HOXA3: variants seen among roughly 807,000 people sequenced by gnomAD.
HOXA3 encodes the protein homeobox protein Hox-A3.
A neutral mutation model predicts 30.3 loss-of-function variants in HOXA3; 8 were observed. That is an observed-to-expected ratio of 0.26 (90% CI 0.15 to 0.48). The LOEUF is 0.48. HOXA3 is among the 20% of genes least tolerant of loss of function. HOXA3 has a pLI of 0.99. For synonymous variants in HOXA3, 323 were observed against 273.1 expected, an observed-to-expected ratio of 1.18 and a Z score of -1.80; for missense variants, 653 against 614.4, an observed-to-expected ratio of 1.06 and a Z score of -0.66.
chr7:27,132,125 C>CCT (rs1476710095), intron 2 of HOXA3, among the ~76,000 whole-genome samples: 1 of 152,146 alleles, frequency 6.6e-6, no homozygotes, highest in East Asian at 1.9e-4. Flanking sequence ...ATATCTAGAT[C>CCT]CTCTACTTTT....
chr7:27,141,702 T>TA, intron 1 of HOXA3: 1 of 1,135,154 alleles, frequency 8.8e-7, no homozygotes, highest in Non-Finnish European at 1.3e-6. Context: ...GGCTCATGAT[T>TA]AAAAGATGAA....
rs746085776 is a variant in HOXA3 at position 27,110,531 on chromosome 7, G to A, written c.110C>T (p.Ala37Val). 1.2e-6 allele frequency: 2 copies of A among 1,607,486 alleles called. No individual in the cohort carries two copies. The highest frequency in any genetic ancestry group is 1.1e-5 in the South Asian group (1 of 90,978). Residue 37 changes from alanine (A) to valine (V), a missense_variant, in exon 5 of 6, where the codon GCC (alanine) becomes GTC (valine). By Grantham distance (64) the Ala-to-Val change is moderately conservative. Around this residue, in one of 3 missense-constraint regions of HOXA3, gnomAD observed 320 missense variants for 321.9 expected, o/e 0.99. Transcript: ENST00000612286. ...GTACTCGCCGTCGGCGCCCAAAGCG[G>A]CGGACGCCGGGTACGGCTGCTGATT... ...NANQQPYPASAALGADGEYHR... is the reference protein window; with the variant it reads ...NANQQPYPASVALGADGEYHR...
chr7:27,129,195 G>T (rs368828818), intron 2 of HOXA3: 3 of 1,248,736 alleles, frequency 2.4e-6, no homozygotes, highest in Non-Finnish European at 3.5e-6. Flanking sequence ...AGCAGGTAAG[G>T]GATAGAAACT....
intron 2 of HOXA3, chr7:27,130,279 G>T: frequency 1.8e-6 from 2 of 1,124,194 alleles, no homozygotes; most frequent in Non-Finnish European, 2.2e-6. Flanking sequence ...CCGCGGGGCC[G>T]CTGGGGGCAC....
chr7:27,132,663 C>T (rs887719166), intron 2 of HOXA3, among the ~76,000 whole-genome samples: 1 of 152,194 alleles, frequency 6.6e-6, no homozygotes, highest in Non-Finnish European at 1.5e-5. Flanking sequence ...AATCTTTAGC[C>T]ATCCTCTCTA....
intron 4 of HOXA3, 83 bp from the exon 5 acceptor site, chr7:27,110,843 A>G: frequency 4.3e-6 from 3 of 694,878 alleles, no homozygotes; most frequent in Non-Finnish European, 6.8e-6. Context: ...TGAAAGCCAT[A>G]AAAGAAAAAG....
At chr7:27,121,989 A>C (rs1785036123) in intron 4 of HOXA3, 1 of 152,992 alleles carries the variant, frequency 6.5e-6, no homozygotes, top group African/African-American at 2.4e-5. Context: ...GCCCTGATGA[A>C]AGAAGGAAGA....
At chr7:27,148,202 A>G (rs1218872439) in intron 1 of HOXA3, among the ~76,000 whole-genome samples, 2 of 152,262 alleles carry the variant, frequency 1.3e-5, no homozygotes, top group Admixed American at 6.5e-5. Context: ...TCCTCCAAAC[A>G]GGAAACCTGA....
At chr7:27,147,826 G>A in intron 1 of HOXA3, 1 of 1,337,020 alleles carries the variant, frequency 7.5e-7, no homozygotes, top group Non-Finnish European at 1.0e-6. Context: ...TCATCGAACT[G>A]GTTTGTTTCT....
chr7:27,145,996 G>C (rs963112248), intron 1 of HOXA3: 27 of 1,518,104 alleles, frequency 1.8e-5, no homozygotes, highest in Admixed American at 1.6e-4. Flanking sequence ...TCCCACAAGA[G>C]GCACCCAGAC....
intron 2 of HOXA3, among the ~76,000 whole-genome samples, chr7:27,134,702 T>C (rs1340888707): frequency 6.6e-6 from 1 of 152,240 alleles, no homozygotes; most frequent in African/African-American, 2.4e-5. Flanking sequence ...TTCAAGCTCT[T>C]GGCCAGAGTG....
At chr7:27,114,230 A>G (rs186111687) in intron 4 of HOXA3, among the ~76,000 whole-genome samples, 8 of 152,122 alleles carry the variant, frequency 5.3e-5, no homozygotes, top group Admixed American at 1.3e-4. Flanking sequence ...AGGCGTCACG[A>G]AAGTCCAGGA....
chr7:27,144,334 A>G (rs1246296314), intron 1 of HOXA3, among the ~76,000 whole-genome samples: 1 of 152,230 alleles, frequency 6.6e-6, no homozygotes, highest in Admixed American at 6.5e-5. Flanking sequence ...TTGCGAGCGC[A>G]TGAGGGACAG....
chr7:27,140,367 A>T (rs1279835648), intron 1 of HOXA3, 181 bp from the exon 2 acceptor site: 1 of 152,138 alleles, frequency 6.6e-6, no homozygotes, highest in African/African-American at 2.4e-5. Context: ...CATAGACAAA[A>T]CCCTATTCAT....
chr7:27,130,456 T>G (rs1360883254), intron 2 of HOXA3: 1 of 1,224,834 alleles, frequency 8.2e-7, no homozygotes, highest in Non-Finnish European at 1.0e-6. Flanking sequence ...CGCGGCCCCA[T>G]GCGCGGGGTA....
chr7:27,139,881 C>T (rs972281303), intron 2 of HOXA3, among the ~76,000 whole-genome samples: 6 of 152,190 alleles, frequency 3.9e-5, no homozygotes, highest in Admixed American at 3.3e-4. Flanking sequence ...GGATGCGGCG[C>T]GGCCACAGGC....
At chr7:27,126,589 T>G (rs1369475295) in intron 3 of HOXA3, among the ~76,000 whole-genome samples, 2 of 152,198 alleles carry the variant, frequency 1.3e-5, no homozygotes, top group Admixed American at 1.3e-4. Flanking sequence ...AAAGGCCAAT[T>G]TGAAGCAGGC....
intron 1 of HOXA3, chr7:27,151,791 C>T (rs1782980707): frequency 2.4e-6 from 1 of 417,426 alleles, no homozygotes; most frequent in Non-Finnish European, 4.9e-6. Context: ...TGCACTTTGC[C>T]CTCACCTCTT....
chr7:27,124,663 C>T (rs1785196809), intron 3 of HOXA3: 1 of 152,182 alleles, frequency 6.6e-6, no homozygotes, highest in Admixed American at 6.5e-5. Flanking sequence ...GCCCTGACGA[C>T]TCCGATCCAT....
Sources: gnomAD v4.1 joint callset for allele counts (sites outside exome capture counted in the v4.1 genomes callset) on GRCh38, gnomAD v4.1.1 for gene constraint, gnomAD v4.1.1 regional missense constraint, MANE v1.5 for transcripts, NCBI Gene and HGNC (gene_info 2026-07-23, HGNC 2026-07-21) for gene names.